CACNA1A: variants seen among roughly 807,000 people sequenced by gnomAD.
CACNA1A encodes voltage-dependent P/Q-type calcium channel subunit alpha-1A.
Under a neutral mutation model 262.4 loss-of-function variants are expected in CACNA1A, and 57 were observed. That is an observed-to-expected ratio of 0.22 (90% CI 0.18 to 0.27). The LOEUF (loss-of-function observed/expected upper bound fraction) is 0.27. Ranked by LOEUF, CACNA1A falls within the 10% of genes least tolerant of loss-of-function variation. The probability of loss-of-function intolerance (pLI) is 1.00; values close to 1 mark genes in which losing one functional copy is unlikely to be tolerated. For synonymous variants in CACNA1A, 1,431 were observed against 1,419.3 expected (o/e 1.01, Z -0.18); for missense variants, 2,526 against 3,562.8 (o/e 0.71, Z 7.41).
At chr19:13,355,826 G>A (rs1444883719) in intron 6 of CACNA1A, among the ~76,000 whole-genome samples, 1 of 152,160 alleles carries the variant, frequency 6.6e-6, no homozygotes, top group Non-Finnish European at 1.5e-5. Context: ...AGAGGTGGGG[G>A]ATGCTGTGCA....
intron 3 of CACNA1A, among the ~76,000 whole-genome samples, chr19:13,395,384 G>GT (rs1201855082): frequency 1.3e-5 from 2 of 151,536 alleles, no homozygotes; most frequent in Non-Finnish European, 2.9e-5. Context: ...GGCCCAGGTG[G>GT]TGGATCACTT....
At chr19:13,376,967 A>G (rs1159664178) in intron 3 of CACNA1A, among the ~76,000 whole-genome samples, 2 of 141,888 alleles carry the variant, frequency 1.4e-5, no homozygotes, top group Non-Finnish European at 3.1e-5. Context: ...TTATATATAT[A>G]TATGTATTTT....
At chr19:13,228,806 A>G in intron 36 of CACNA1A, 1 of 1,524,396 alleles carries the variant, frequency 6.6e-7, no homozygotes, top group Non-Finnish European at 9.0e-7. Flanking sequence ...CTGAAAGGAG[A>G]AGAAAGGGGG....
At chr19:13,344,290 C>A (rs1427977241) in intron 6 of CACNA1A, among the ~76,000 whole-genome samples, 2 of 148,340 alleles carry the variant, frequency 1.3e-5, no homozygotes, top group East Asian at 3.9e-4. Flanking sequence ...AAAGCAAGAA[C>A]AAACCAAACC....
intron 3 of CACNA1A, among the ~76,000 whole-genome samples, chr19:13,450,024 C>A (rs1197377852): frequency 6.7e-6 from 1 of 150,312 alleles, no homozygotes; most frequent in African/African-American, 2.5e-5. Flanking sequence ...GCCTGTAATC[C>A]AAGCTACTTG....
intron 10 of CACNA1A, among the ~76,000 whole-genome samples, chr19:13,326,782 C>T (rs1456194998): frequency 1.2e-5 from 1 of 82,610 alleles, no homozygotes; most frequent in Non-Finnish European, 2.3e-5. Context: ...GAGCAAGACA[C>T]TGTCTCAAAA....
chr19:13,263,614 G>A (rs2056792796), intron 24 of CACNA1A: 1 of 152,228 alleles, frequency 6.6e-6, no homozygotes, highest in African/African-American at 2.4e-5. Context: ...CCACCTCCCA[G>A]GTTCAAGTGA....
In CACNA1A at chr19:13,407,847, T is replaced by C. The variant is rs538632621; in HGVS notation, c.540-36068A>G. ...GTCCCCACCCAGATCTCATGTTGAA[T>C]TGTAATCCCCAATGTTGGGGGAGGG... On this transcript the variant is annotated intron_variant, in intron 3 of 46. Coordinates refer to ENST00000360228, the MANE Select transcript of CACNA1A (RefSeq NM_001127222.2). 1.2e-4 allele frequency among the ~76,000 whole-genome samples: 19 copies of C among 152,230 alleles called. 1 individual carries two copies. In the South Asian group the frequency reaches 3.7e-3, roughly 30 times the overall value.
At chr19:13,318,890 C>CTTTTTTTTTTTTT (rs751530649) in intron 10 of CACNA1A, among the ~76,000 whole-genome samples, 1,173 of 114,454 alleles carry the variant, frequency 0.01, 36 homozygotes, top group East Asian at 0.024. Flanking sequence ...TAAAATACAT[C>CTTTTTTTTTTTTT]TTTTTTTTTT....
In CACNA1A at chr19:13,214,506, T is replaced by C; in HGVS notation, c.5834A>G (p.His1945Arg). 1 of 1,611,178 alleles carries C rather than the reference T, an allele frequency of 6.2e-7. No homozygotes were observed. Among genetic ancestry groups the C allele is most frequent in the Non-Finnish European group, 8.5e-7 (1 of 1,177,434 alleles). Residue 1945 changes from histidine to arginine, a missense_variant, in exon 39 of 47, where the codon CAC becomes CGC. Coordinates refer to ENST00000360228, the MANE Select transcript of CACNA1A (RefSeq NM_001127222.2). This position sits in a 1 kb window ranked among gnomAD's most constrained non-coding sequence, Gnocchi z 4.1. ...GGGCTGGGCTCAGCTCTTACACTTG[T>C]GAGGTGTGACCAGCAGGTCTAGCGT... ...QKTLDLLVTPHKSTDLTVGKI... is the reference protein window; with the variant it reads ...QKTLDLLVTPRKSTDLTVGKI...
At chr19:13,250,520 C>T (rs1008879738) in intron 30 of CACNA1A, among the ~76,000 whole-genome samples, 3 of 152,090 alleles carry the variant, frequency 2.0e-5, no homozygotes, top group African/African-American at 7.2e-5. Context: ...CCTCAGCCTC[C>T]CGAGTAGCTG....
chr19:13,285,923 T>G (rs1217089219), intron 20 of CACNA1A, among the ~76,000 whole-genome samples: 1 of 151,146 alleles, frequency 6.6e-6, no homozygotes, highest in African/African-American at 2.4e-5. Context: ...CTAGATGAAC[T>G]TAAGACATAA....
chr19:13,398,916 G>A (rs747574167), intron 3 of CACNA1A, among the ~76,000 whole-genome samples: 6 of 152,232 alleles, frequency 3.9e-5, no homozygotes, highest in Non-Finnish European at 8.8e-5. Flanking sequence ...TTCAGGCCCC[G>A]AGGGGAGGGA....
intron 3 of CACNA1A, among the ~76,000 whole-genome samples, chr19:13,380,917 G>A (rs1488422952): frequency 6.6e-6 from 1 of 151,846 alleles, no homozygotes; most frequent in Non-Finnish European, 1.5e-5. Flanking sequence ...GGGACTACAG[G>A]TGGGAGCCAC....
intron 6 of CACNA1A, among the ~76,000 whole-genome samples, chr19:13,349,035 CAA>C (rs1464169224): frequency 9.9e-5 from 12 of 121,324 alleles, no homozygotes; most frequent in Admixed American, 5.7e-4. Context: ...AAAAGAGAGA[CAA>C]AGAGAGAGAG....
At chr19:13,374,160 CT>C (rs1297924062) in intron 3 of CACNA1A, among the ~76,000 whole-genome samples, 1 of 152,156 alleles carries the variant, frequency 6.6e-6, no homozygotes, top group Non-Finnish European at 1.5e-5. Context: ...GGTGTCACCA[CT>C]GGGATTTGGA....
intron 10 of CACNA1A, among the ~76,000 whole-genome samples, chr19:13,327,740 T>C (rs987767036): frequency 6.6e-6 from 1 of 151,662 alleles, no homozygotes; most frequent in African/African-American, 2.4e-5. Context: ...ACCCAGCTAA[T>C]TGTTGAATTT....
chr19:13,460,724 T>C (rs1253132373), intron 1 of CACNA1A, among the ~76,000 whole-genome samples: 1 of 152,064 alleles, frequency 6.6e-6, no homozygotes, highest in Non-Finnish European at 1.5e-5. Flanking sequence ...CCAGGCACAT[T>C]TGTACCCAGG....
Position 13,403,795 on chromosome 19 carries a change from A to AC in CACNA1A, c.540-32017_540-32016insG, listed in dbSNP as rs201449293. 7.6e-3 allele frequency among the ~76,000 whole-genome samples: 1,150 copies of AC among 151,274 alleles called. 27 individuals carry two copies. The East Asian group carries it at 0.083, about 11-fold the overall frequency. ...TGCAAACAAACAAACAAACAAACAAAAAAAAACTTTAAATTAGCTGGGCAT... is the reference window on the plus strand; with the variant it reads ...TGCAAACAAACAAACAAACAAACAAACAAAAAACTTTAAATTAGCTGGGCAT... On this transcript the variant is annotated intron_variant, in intron 3 of 46. Coordinates refer to ENST00000360228, the MANE Select transcript of CACNA1A (RefSeq NM_001127222.2).
Sources: gnomAD v4.1 joint callset for allele counts (sites outside exome capture counted in the v4.1 genomes callset) on GRCh38, gnomAD v4.1.1 for gene constraint, Gnocchi (gnomAD v3.1) non-coding constraint, MANE v1.5 for transcripts, NCBI Gene and HGNC (gene_info 2026-07-23, HGNC 2026-07-21) for gene names.